The following FAT3 variants were observed in gnomAD, a reference collection of about 807,000 sequenced individuals.
FAT3 encodes the protein FAT atypical cadherin 3.
FAT3 carries 95 observed loss-of-function variants against 310.2 expected under a neutral mutation model. The ratio of observed to expected loss-of-function variants is 0.31; its 90% CI spans 0.26 to 0.36. FAT3 has a LOEUF of 0.36. Ranked by LOEUF, FAT3 falls within the 10% of genes least tolerant of loss-of-function variation. FAT3 has a pLI of 1.00. For missense variants in FAT3, 5,408 were observed against 5,715.6 expected (o/e 0.95, Z 1.74); for synonymous variants, 2,314 against 2,192.9 (o/e 1.06, Z -1.54).
At chr11:92,813,544 G>A (rs955415663) in intron 13 of FAT3, among the ~76,000 whole-genome samples, 8 of 152,094 alleles carry the variant, frequency 5.3e-5, no homozygotes, top group Non-Finnish European at 8.8e-5. Context: ...CCCACTTGCT[G>A]CCCCTTTGGA....
At chr11:92,244,684 A>G (rs184514041) in intron 1 of FAT3, among the ~76,000 whole-genome samples, 220 of 152,274 alleles carry the variant, frequency 1.4e-3, no homozygotes, top group African/African-American at 5.1e-3. Flanking sequence ...ATAGATTCCT[A>G]TACCTAGTCT....
At chr11:92,825,602 C>T (rs528447296) in intron 13 of FAT3, among the ~76,000 whole-genome samples, 4 of 151,834 alleles carry the variant, frequency 2.6e-5, no homozygotes, top group Non-Finnish European at 5.9e-5. Flanking sequence ...GTAGACAGTA[C>T]AGGATGGAAG....
At chr11:92,332,274 G>T (rs892869833) in intron 1 of FAT3, among the ~76,000 whole-genome samples, 4 of 152,042 alleles carry the variant, frequency 2.6e-5, no homozygotes, top group African/African-American at 9.7e-5. Flanking sequence ...TCTGGATTTC[G>T]GGCCAAAAAG....
At chr11:92,550,814 A>G (rs1243009065) in intron 3 of FAT3, among the ~76,000 whole-genome samples, 2 of 142,278 alleles carry the variant, frequency 1.4e-5, no homozygotes, top group African/African-American at 5.2e-5. Flanking sequence ...GTGCAAGTGT[A>G]CTTCTTTATA....
At chr11:92,393,116 A>G (rs938732446) in intron 2 of FAT3, among the ~76,000 whole-genome samples, 2 of 152,158 alleles carry the variant, frequency 1.3e-5, no homozygotes, top group African/African-American at 2.4e-5. Context: ...CAAAGAACAA[A>G]ATAATTCTCT....
chr11:92,767,113 A>T (rs916117042), intron 6 of FAT3, among the ~76,000 whole-genome samples: 1 of 151,932 alleles, frequency 6.6e-6, no homozygotes, highest in Admixed American at 6.6e-5. Context: ...GCTGGGCATG[A>T]TGGCGGGCGC....
rs150220462 is a variant in FAT3 at position 92,583,826 on chromosome 11, G to C, written c.3607+58878G>C. 6.0e-5 allele frequency among the ~76,000 whole-genome samples: 9 copies of C among 151,070 alleles called. No homozygotes were observed. In the East Asian group the frequency reaches 1.8e-3, roughly 29 times the overall value. On this transcript the variant is annotated intron_variant, in intron 3 of 27. Coordinates refer to ENST00000525166, the MANE Select transcript of FAT3 (RefSeq NM_001367949.2). ...AATTGGAAAAGATTTTAGGGATGAG[G>C]GTAGCTGACTCTACTCGCCTGCAGA...
At chr11:92,493,174 A>G (rs781527933) in intron 2 of FAT3, among the ~76,000 whole-genome samples, 4 of 152,080 alleles carry the variant, frequency 2.6e-5, no homozygotes, top group Non-Finnish European at 4.4e-5. Flanking sequence ...TTCTCCAGAA[A>G]TGAATATTTT....
At chr11:92,307,335 C>T (rs1484192591) in intron 1 of FAT3, among the ~76,000 whole-genome samples, 2 of 152,128 alleles carry the variant, frequency 1.3e-5, no homozygotes, top group South Asian at 2.1e-4. Flanking sequence ...CAAAAGTTTT[C>T]CTTTGTTTAA....
In FAT3 at chr11:92,889,798, T is replaced by C; in HGVS notation, c.13112-58T>C. ...AAAAGTCATCTCAAATGTTCTGTTT[T>C]ATCCCTCTTCACATGGTTTGGACTG... On this transcript the variant is annotated intron_variant, in intron 26 of 27. Coordinates refer to ENST00000525166, the MANE Select transcript of FAT3 (RefSeq NM_001367949.2). 4.2e-6 allele frequency: 3 copies of C among 717,434 alleles called. 1 individual carries two copies. Among genetic ancestry groups the C allele is most frequent in the Non-Finnish European group, 7.8e-6 (3 of 384,946 alleles). The allele number at this position is 717,434 out of a possible 1,614,324, so 44.4% of individuals were successfully genotyped here.
chr11:92,576,413 A>C (rs491810), intron 3 of FAT3, among the ~76,000 whole-genome samples: 114,752 of 152,028 alleles, frequency 0.75, 45,218 homozygotes, highest in Non-Finnish European at 0.88. Context: ...AATTGATAAA[A>C]CTTCAGTCCA....
At chr11:92,866,660 C>CG in intron 21 of FAT3, 81 bp from the exon 22 acceptor site, 1 of 1,295,658 alleles carries the variant, frequency 7.7e-7, no homozygotes, top group South Asian at 1.5e-5. Context: ...GTGAAGCCCC[C>CG]GGGCCGGCCA....
chr11:92,721,496 A>C (rs1177896933), intron 4 of FAT3, among the ~76,000 whole-genome samples: 1 of 152,236 alleles, frequency 6.6e-6, no homozygotes, highest in Non-Finnish European at 1.5e-5. Context: ...ATTTACATAC[A>C]CTTACATAAA....
At chr11:92,468,368 T>C (rs1214795498) in intron 2 of FAT3, among the ~76,000 whole-genome samples, 1 of 152,224 alleles carries the variant, frequency 6.6e-6, no homozygotes, top group African/African-American at 2.4e-5. Context: ...TGGCCTAACA[T>C]AGTGCTTAAT....
At chr11:92,276,596 A>G (rs1946279058) in intron 1 of FAT3, among the ~76,000 whole-genome samples, 1 of 152,140 alleles carries the variant, frequency 6.6e-6, no homozygotes, top group African/African-American at 2.4e-5. Flanking sequence ...CCAGGGGAAG[A>G]ACTTCCCCAG....
intron 1 of FAT3, among the ~76,000 whole-genome samples, chr11:92,326,443 T>C (rs1947766672): frequency 6.6e-6 from 1 of 152,230 alleles, no homozygotes; most frequent in Admixed American, 6.5e-5. Context: ...TCCATGTGAA[T>C]TGAACACACT....
intron 2 of FAT3, among the ~76,000 whole-genome samples, chr11:92,491,127 C>T (rs1021202382): frequency 3.3e-5 from 5 of 151,960 alleles, no homozygotes; most frequent in African/African-American, 9.7e-5. Flanking sequence ...TAGGAAGGAC[C>T]TTTAATGATT....
chr11:92,658,850 G>T (rs1439381848), intron 3 of FAT3, among the ~76,000 whole-genome samples: 2 of 152,158 alleles, frequency 1.3e-5, no homozygotes, highest in Non-Finnish European at 2.9e-5. Flanking sequence ...TCAATGAGCT[G>T]TCAGTGCCTT....
chr11:92,315,518 G>T (rs964368501), intron 1 of FAT3, among the ~76,000 whole-genome samples: 4,449 of 88,612 alleles, frequency 0.05, 76 homozygotes, highest in Non-Finnish European at 0.073. Flanking sequence ...TATATAGAGA[G>T]AGAGAGAGAG....
Sources: gnomAD v4.1 joint callset for allele counts (sites outside exome capture counted in the v4.1 genomes callset) on GRCh38, gnomAD v4.1.1 for gene constraint, MANE v1.5 for transcripts, NCBI Gene and HGNC (gene_info 2026-07-23, HGNC 2026-07-21) for gene names.